The following SPATA3 variants were observed in gnomAD, a reference collection of about 807,000 sequenced individuals.
SPATA3 encodes the protein spermatogenesis associated 3.
Under a neutral mutation model 5.7 loss-of-function variants are expected in SPATA3, and 6 were observed. The ratio of observed to expected loss-of-function variants is 1.06; its 90% CI spans 0.58 to 2.09. The LOEUF (loss-of-function observed/expected upper bound fraction) is 2.09. Ranked by LOEUF, SPATA3 falls within the 30% of genes most tolerant of loss-of-function variation. The probability of loss-of-function intolerance (pLI) is 0.00; values close to 1 mark genes in which losing one functional copy is unlikely to be tolerated. For synonymous variants in SPATA3, 44 were observed against 48.4 expected (o/e 0.91, Z 0.37); for missense variants, 155 against 130.4 (o/e 1.19, Z -0.92).
chr2:230,998,367 T>A (rs998575345), intron 1 of SPATA3, among the ~76,000 whole-genome samples: 10 of 152,220 alleles, frequency 6.6e-5, no homozygotes, highest in African/African-American at 2.4e-4. Context: ...GAGAGAAACA[T>A]TTCTGGGTTA....
intron 6 of SPATA3, among the ~76,000 whole-genome samples, chr2:231,019,237 G>A (rs771952360): frequency 6.0e-5 from 9 of 149,872 alleles, no homozygotes; most frequent in Middle Eastern, 3.7e-3. Context: ...CCAAAGTGCC[G>A]GGATTACAGG....
chr2:231,000,477 TGCCTCGGGACTG>T (rs1190495780), exon 2 of SPATA3: 3 of 1,550,058 alleles, frequency 1.9e-6, no homozygotes, highest in Non-Finnish European at 2.6e-6. Flanking sequence ...GATGTCCTTC[TGCCTCGGGACTG>T]GCAGATGGCG....
chr2:230,998,974 G>C (rs935487100), intron 1 of SPATA3, among the ~76,000 whole-genome samples: 2 of 152,220 alleles, frequency 1.3e-5, no homozygotes, highest in Non-Finnish European at 2.9e-5. Flanking sequence ...TAGCCAAAAA[G>C]TGGGAACAAC....
intron 6 of SPATA3, among the ~76,000 whole-genome samples, chr2:231,019,366 C>G (rs1240417699): frequency 6.6e-6 from 1 of 150,482 alleles, no homozygotes. Context: ...CACTGTTGCC[C>G]AGGCTGGAGT....
chr2:231,016,527 A>AAAG (rs1491443466), intron 6 of SPATA3, among the ~76,000 whole-genome samples: 1 of 144,788 alleles, frequency 6.9e-6, no homozygotes, highest in East Asian at 2.2e-4. Flanking sequence ...AAAAAAAAGA[A>AAAG]GAAGAAGGTT....
downstream of SPATA3, among the ~76,000 whole-genome samples, chr2:231,010,098 G>A (rs983219308): frequency 7.9e-5 from 12 of 152,256 alleles, no homozygotes; most frequent in African/African-American, 2.7e-4. Flanking sequence ...CAGCCTGGCT[G>A]TAGCTGAGCC....
chr2:231,012,073 A>C (rs538237739), downstream of SPATA3, among the ~76,000 whole-genome samples: 1 of 152,322 alleles, frequency 6.6e-6, no homozygotes, highest in Non-Finnish European at 1.5e-5. Flanking sequence ...GAGGAGCTGG[A>C]GGTGCCTGTT....
chr2:230,999,699 G>T (rs1334066937), intron 1 of SPATA3: 1 of 169,076 alleles, frequency 5.9e-6, no homozygotes, highest in Non-Finnish European at 1.5e-5. Flanking sequence ...CAGAAAATAG[G>T]ATCGGGACTG....
intron 5 of SPATA3, chr2:231,013,780 T>C (rs1243440398): frequency 1.3e-5 from 2 of 152,196 alleles, no homozygotes; most frequent in Admixed American, 6.5e-5. Flanking sequence ...TGGCATTTTA[T>C]CTTGGCTAAT....
chr2:231,019,475 C>A (rs1264878569), intron 6 of SPATA3, among the ~76,000 whole-genome samples: 1 of 149,244 alleles, frequency 6.7e-6, no homozygotes, highest in African/African-American at 2.5e-5. Context: ...AGGCACCTGC[C>A]ACCACGCCTG....
At chr2:231,010,077 G>T (rs1465815279), downstream of SPATA3, among the ~76,000 whole-genome samples, 4 of 152,264 alleles carry the variant, frequency 2.6e-5, no homozygotes, top group African/African-American at 9.6e-5. Context: ...CTGTGGCTGT[G>T]AGTTTGGGGA....
intron 2 of SPATA3, among the ~76,000 whole-genome samples, chr2:231,001,974 A>T (rs929135538): frequency 2.0e-5 from 3 of 152,202 alleles, no homozygotes; most frequent in African/African-American, 4.8e-5. Flanking sequence ...CTGGCTTAAG[A>T]TGAAAAGCGG....
downstream of SPATA3, among the ~76,000 whole-genome samples, chr2:231,006,267 C>T (rs962608842): frequency 4.6e-4 from 69 of 149,428 alleles, no homozygotes; most frequent in African/African-American, 1.6e-3. Context: ...TTTGGAAGGC[C>T]GAGGCAGGCA....
intron 2 of SPATA3, among the ~76,000 whole-genome samples, chr2:231,000,973 A>G (rs1053474552): frequency 8.5e-5 from 13 of 152,170 alleles, no homozygotes; most frequent in African/African-American, 2.9e-4. Context: ...TCTGCCTACG[A>G]ATGTCGCCCA....
chr2:231,002,861 T>C (rs1208560340), downstream of SPATA3: 1 of 1,038,084 alleles, frequency 9.6e-7, no homozygotes, highest in African/African-American at 1.7e-5. Context: ...CGAATGGAGG[T>C]GGTCTCTTCA....
chr2:231,014,152 A>G (rs1406546866), exon 6 of SPATA3: 4 of 152,220 alleles, frequency 2.6e-5, no homozygotes, highest in Non-Finnish European at 1.5e-5. Context: ...GAACGTCTGA[A>G]AACGTCCTGA....
chr2:231,015,150 C>T (rs1692897163), intron 6 of SPATA3, among the ~76,000 whole-genome samples: 3 of 152,056 alleles, frequency 2.0e-5, no homozygotes, highest in South Asian at 2.1e-4. Context: ...CACCAGCAAA[C>T]CCTACAGAGT....
intron 1 of SPATA3, among the ~76,000 whole-genome samples, chr2:230,997,286 A>G (rs1328511858): frequency 6.6e-6 from 1 of 151,546 alleles, no homozygotes; most frequent in Non-Finnish European, 1.5e-5. Context: ...CCCTGCACAA[A>G]CTCTCTTCTC....
At chr2:231,012,604 G>A (rs2136477) in exon 5 of SPATA3, 66,287 of 151,872 alleles carry the variant, frequency 0.44, 15,553 homozygotes, top group African/African-American at 0.59. Context: ...TGCTTTTAAT[G>A]TGCTGATAAA....
Sources: allele counts gnomAD v4.1 joint callset (sites outside exome capture counted in the v4.1 genomes callset), GRCh38; gene constraint gnomAD v4.1.1; transcripts MANE v1.5; gene names NCBI Gene and HGNC (gene_info 2026-07-23, HGNC 2026-07-21).